FILIP1L: variants seen among roughly 807,000 people sequenced by gnomAD.
FILIP1L encodes the protein filamin A-interacting protein 1-like.
Under a neutral mutation model 96.6 loss-of-function variants are expected in FILIP1L, and 55 were observed. The ratio of observed to expected loss-of-function variants is 0.57; its 90% CI spans 0.46 to 0.71. The LOEUF (loss-of-function observed/expected upper bound fraction) is 0.71, where lower values mean the gene tolerates loss of function less well. Ranked by LOEUF, FILIP1L falls within the 30% of genes least tolerant of loss-of-function variation. FILIP1L has a pLI of 0.00. For synonymous variants in FILIP1L, 467 were observed against 473.9 expected, an observed-to-expected ratio of 0.99 and a Z score of 0.19; for missense variants, 1,304 against 1,321.2, an observed-to-expected ratio of 0.99 and a Z score of 0.20.
At chr3:100,077,661 A>G (rs1321564181) in intron 1 of FILIP1L, among the ~76,000 whole-genome samples, 3 of 152,192 alleles carry the variant, frequency 2.0e-5, no homozygotes, top group Non-Finnish European at 4.4e-5. Context: ...AGTGGCTCAC[A>G]CCTATAATCA....
At chr3:99,937,658 C>G (rs1425393247) in intron 1 of FILIP1L, among the ~76,000 whole-genome samples, 1 of 152,148 alleles carries the variant, frequency 6.6e-6, no homozygotes, top group Admixed American at 6.5e-5. Context: ...ATCCCCATGT[C>G]CTACAGAGTT....
intron 4 of FILIP1L, among the ~76,000 whole-genome samples, chr3:99,914,647 G>A (rs1706896395): frequency 6.6e-6 from 1 of 152,122 alleles, no homozygotes; most frequent in African/African-American, 2.4e-5. Flanking sequence ...TTTACAGAAG[G>A]CAGTTTAGCT....
At chr3:99,920,710 G>A (rs1358442776) in intron 4 of FILIP1L, among the ~76,000 whole-genome samples, 1 of 152,094 alleles carries the variant, frequency 6.6e-6, no homozygotes, top group East Asian at 1.9e-4. Context: ...TTACGACAGC[G>A]ACATCACTTG....
chr3:99,986,138 A>G (rs752436446), intron 1 of FILIP1L, among the ~76,000 whole-genome samples: 4 of 152,246 alleles, frequency 2.6e-5, no homozygotes, highest in Non-Finnish European at 5.9e-5. Context: ...TAGAAAATCT[A>G]AATTGTTTTT....
chr3:99,866,005 G>A (rs558725979), intron 4 of FILIP1L, among the ~76,000 whole-genome samples: 2 of 151,752 alleles, frequency 1.3e-5, no homozygotes, highest in Admixed American at 6.6e-5. Flanking sequence ...GATATTGCAC[G>A]TGGGCATTTT....
chr3:99,874,561 G>T (rs921698340), intron 4 of FILIP1L: 1 of 152,004 alleles, frequency 6.6e-6, no homozygotes, highest in Admixed American at 6.5e-5. Flanking sequence ...CCTATCCTCA[G>T]GCCAAATAAC....
At position 99,850,376 on chromosome 3, in the gene FILIP1L, A is replaced by C. The variant is rs769884665; in HGVS notation, c.1300T>G (p.Phe434Val). The change falls in exon 5 of 6, where the codon TTC becomes GTC. Residue 434 changes from phenylalanine to valine, a missense_variant. Coordinates refer to ENST00000477258, the MANE Select transcript of FILIP1L (RefSeq NM_001387850.1). Reference sequence around the variant, plus strand: ...TAGCATTCTTGTTTGCTTTTGTTGAAAGCGTCTTCTAACTTTTCCAGAGCC... The same window carrying C: ...TAGCATTCTTGTTTGCTTTTGTTGACAGCGTCTTCTAACTTTTCCAGAGCC... ...IMALEKLEDA[F>V]NKSKQECYSL... is the part of the protein sequence containing the mutation. 2 of 1,612,934 alleles carry C rather than the reference A, an allele frequency of 1.2e-6. No individual in the cohort carries two copies. Among genetic ancestry groups the C allele is most frequent in the Non-Finnish European group, 8.5e-7 (1 of 1,179,806 alleles).
chr3:100,001,318 T>C (rs1449200071), intron 1 of FILIP1L, among the ~76,000 whole-genome samples: 2 of 152,226 alleles, frequency 1.3e-5, no homozygotes, highest in African/African-American at 2.4e-5. Flanking sequence ...TATCTATCGC[T>C]GTTTCTGTGA....
At chr3:99,971,138 C>A (rs1027227552) in intron 1 of FILIP1L, among the ~76,000 whole-genome samples, 1 of 152,108 alleles carries the variant, frequency 6.6e-6, no homozygotes, top group Non-Finnish European at 1.5e-5. Context: ...GAGATCGAGA[C>A]CATCCTGGCT....
chr3:99,838,649 G>T (rs963701055), intron 5 of FILIP1L, among the ~76,000 whole-genome samples: 1 of 152,282 alleles, frequency 6.6e-6, no homozygotes, highest in East Asian at 1.9e-4. Flanking sequence ...AACTCAGTGT[G>T]TTGCCACGGA....
chr3:100,012,272 T>C (rs987517029), intron 1 of FILIP1L, among the ~76,000 whole-genome samples: 3 of 152,214 alleles, frequency 2.0e-5, no homozygotes, highest in Non-Finnish European at 4.4e-5. Flanking sequence ...TATTACTTTG[T>C]CAACCAATTA....
chr3:99,837,439 GA>G (rs200867964), intron 5 of FILIP1L, among the ~76,000 whole-genome samples: 4,985 of 135,792 alleles, frequency 0.037, 118 homozygotes, highest in East Asian at 0.14. Flanking sequence ...AGAGAAGAGA[GA>G]AAAAAAAAAA....
intron 4 of FILIP1L, among the ~76,000 whole-genome samples, chr3:99,860,087 G>A (rs948940650): frequency 2.6e-5 from 4 of 152,112 alleles, no homozygotes; most frequent in African/African-American, 9.7e-5. Context: ...TTATGTCCTT[G>A]TTACTGAAGA....
chr3:100,075,157 G>A (rs949363023), intron 1 of FILIP1L, among the ~76,000 whole-genome samples: 3 of 152,152 alleles, frequency 2.0e-5, no homozygotes, highest in African/African-American at 7.2e-5. Flanking sequence ...GATTACATTA[G>A]ATAGAGATCG....
intron 1 of FILIP1L, among the ~76,000 whole-genome samples, chr3:99,988,511 CAAAAAAAAA>C (rs757175318): frequency 1.0e-4 from 5 of 47,896 alleles, no homozygotes; most frequent in African/African-American, 3.4e-4. Context: ...GACTCCATCT[CAAAAAAAAA>C]AAAAAAAAAA....
chr3:100,056,460 T>A (rs184292435), intron 1 of FILIP1L, among the ~76,000 whole-genome samples: 17 of 152,350 alleles, frequency 1.1e-4, no homozygotes, highest in African/African-American at 3.8e-4. Context: ...GAATGCTTAC[T>A]ACCTGGTGAT....
At chr3:99,915,819 T>C (rs1227449030) in intron 4 of FILIP1L, among the ~76,000 whole-genome samples, 1 of 152,200 alleles carries the variant, frequency 6.6e-6, no homozygotes, top group African/African-American at 2.4e-5. Flanking sequence ...ATTGCACTTA[T>C]TGATGTTATG....
intron 1 of FILIP1L, among the ~76,000 whole-genome samples, chr3:100,098,075 C>T (rs1476659964): frequency 4.6e-5 from 7 of 152,142 alleles, no homozygotes; most frequent in Admixed American, 2.0e-4. Context: ...GATCATAGGT[C>T]AGGGACTACT....
rs1158484640 is a variant in FILIP1L at position 99,830,596 on chromosome 3, C to G, written c.3391G>C (p.Val1131Leu). The change falls in exon 6 of 6, where the codon GTA (valine) becomes CTA (leucine). Residue 1131 changes from valine to leucine, a missense_variant. Coordinates refer to ENST00000477258, the MANE Select transcript of FILIP1L (RefSeq NM_001387850.1). ...PRQSQITIKE[V>L]CKQRIPARIP... ...CGTGCTGGGATTCTCTGCTTGCATA[C>G]CTCCTTGATCTTGAATTAAACAAGA... is the stretch of plus-strand genomic sequence containing the variant. 1 of 456,538 alleles carries G rather than the reference C, an allele frequency of 2.2e-6. No individual in the cohort carries two copies. The highest frequency in any genetic ancestry group is 2.3e-5 in the Admixed American group (1 of 42,566). 28.3% of individuals were successfully genotyped at this position (456,538 alleles called of 1,614,324 possible). A position where few individuals can be genotyped will look rare whatever the true frequency, so the allele number is the denominator to read the frequency against.
Sources: allele counts gnomAD v4.1 joint callset (sites outside exome capture counted in the v4.1 genomes callset), GRCh38; gene constraint gnomAD v4.1.1; transcripts MANE v1.5; gene names NCBI Gene and HGNC (gene_info 2026-07-23, HGNC 2026-07-21).